ARMC9: variants seen among roughly 807,000 people sequenced by gnomAD.
ARMC9 encodes the protein armadillo repeat containing 9.
Under a neutral mutation model 107.0 loss-of-function variants are expected in ARMC9, and 94 were observed. The observed-to-expected ratio is 0.88, with a 90% CI of 0.74 to 1.04. The LOEUF is 1.04. Among genes scored for constraint, ARMC9 ranks in the 50% least tolerant of loss-of-function variants. The pLI is 0.00. For missense variants in ARMC9, 942 were observed against 1,030.1 expected (o/e 0.91, Z 1.17); for synonymous variants, 380 against 396.9 (o/e 0.96, Z 0.51).
intron 10 of ARMC9, 84 bp from the exon 11 acceptor site, chr2:231,258,907 G>T (rs2038085719): frequency 1.6e-5 from 20 of 1,255,424 alleles, no homozygotes; most frequent in Non-Finnish European, 2.0e-5. Flanking sequence ...GCAGGCTCTA[G>T]CTTGGGTGTC....
At chr2:231,323,251 T>C (rs1295631689) in intron 19 of ARMC9, among the ~76,000 whole-genome samples, 2 of 152,130 alleles carry the variant, frequency 1.3e-5, no homozygotes, top group East Asian at 3.9e-4. Context: ...CTGGAAGGCC[T>C]GAGTTGGCAT....
chr2:231,252,926 G>A (rs1420610631), intron 9 of ARMC9, among the ~76,000 whole-genome samples: 4 of 150,632 alleles, frequency 2.7e-5, no homozygotes, highest in East Asian at 2.0e-4. Flanking sequence ...AGGCGTGAAC[G>A]GCTATGCCCA....
intron 12 of ARMC9, among the ~76,000 whole-genome samples, chr2:231,269,398 C>CTTTTTT (rs773618086): frequency 3.1e-3 from 347 of 112,310 alleles, no homozygotes; most frequent in Non-Finnish European, 3.8e-3. Flanking sequence ...TTTTCTTCTT[C>CTTTTTT]TTTTTTTTTT....
intron 6 of ARMC9, 131 bp from the exon 7 acceptor site, chr2:231,226,643 G>A: frequency 9.5e-7 from 1 of 1,054,142 alleles, no homozygotes; most frequent in South Asian, 1.3e-5. Context: ...AACAGTTGGA[G>A]CTGGCCCTCC....
chr2:231,278,489 C>G, intron 16 of ARMC9, 31 bp downstream of exon 16: 1 of 1,605,468 alleles, frequency 6.2e-7, no homozygotes, highest in Non-Finnish European at 8.5e-7. Flanking sequence ...GCCCTGGGCT[C>G]GGGGAGGCTA....
chr2:231,264,919 A>T lies in ARMC9; in HGVS notation c.1119+2521A>T, dbSNP rs2038719054. Reference sequence around the variant, plus strand: ...TAGGAGATCAAGACCAGCCTGGCCAACATGGTGAAACCCTGTCTCTGCTAA... The same window carrying T: ...TAGGAGATCAAGACCAGCCTGGCCATCATGGTGAAACCCTGTCTCTGCTAA... On this transcript the variant is annotated intron_variant, in intron 12 of 24. Transcript: ENST00000611582. Among the ~76,000 whole-genome samples, 5 of 152,100 alleles carry T rather than the reference A, an allele frequency of 3.3e-5. No individual in the cohort carries two copies. The South Asian group carries it at 1.0e-3, about 32-fold the overall frequency.
intron 2 of ARMC9, 28 bp from the exon 3 acceptor site, chr2:231,208,099 G>A: frequency 9.9e-7 from 1 of 1,011,320 alleles, no homozygotes; most frequent in Non-Finnish European, 1.5e-6. Context: ...TTGTTTTGCT[G>A]TTGAATTGAA....
At chr2:231,327,299 A>G (rs2043394185) in intron 19 of ARMC9, among the ~76,000 whole-genome samples, 2 of 152,142 alleles carry the variant, frequency 1.3e-5, no homozygotes, top group South Asian at 4.1e-4. Flanking sequence ...GAACGTTTCC[A>G]TCACTCAAGG....
At chr2:231,368,453 C>T (rs2045897363) in intron 23 of ARMC9, among the ~76,000 whole-genome samples, 1 of 152,120 alleles carries the variant, frequency 6.6e-6, no homozygotes, top group South Asian at 2.1e-4. Flanking sequence ...TAATACCCAA[C>T]TCTTGTAAAT....
At position 231,331,816 on chromosome 2, in the gene ARMC9, C is replaced by T. The variant is rs1316454447; in HGVS notation, c.1797C>T (p.Ala599=). ...AGGAGGACCATGACATCATGGAAGC[C>T]GATCTGGACAAAGACGAACTGATCC... ...DDEEDHDIME[A]DLDKDELIQP... Residue 599 remains alanine (A), a synonymous_variant, in exon 20 of 25, where the codon GCC becomes GCT. Transcript: ENST00000611582. The T allele has an allele frequency of 9.9e-6, 16 of 1,613,746 alleles. 1 individual carries two copies. Among genetic ancestry groups the T allele is most frequent in the Non-Finnish European group, 1.3e-5 (15 of 1,179,882 alleles).
intron 13 of ARMC9, among the ~76,000 whole-genome samples, chr2:231,272,506 G>GTTTA (rs1274481398): frequency 1.3e-5 from 2 of 148,306 alleles, no homozygotes; most frequent in African/African-American, 5.1e-5. Context: ...GTAAGTGTTT[G>GTTTA]TTTGTTTGTT....
intron 1 of ARMC9, among the ~76,000 whole-genome samples, chr2:231,200,954 G>A (rs145040162): frequency 6.6e-6 from 1 of 152,178 alleles, no homozygotes; most frequent in Non-Finnish European, 1.5e-5. Flanking sequence ...TGTTTGCCTG[G>A]GGGGGCAGAG....
At chr2:231,273,215 A>G (rs1377096241) in intron 14 of ARMC9, 137 bp downstream of exon 14, 1 of 1,225,482 alleles carries the variant, frequency 8.2e-7, no homozygotes, top group Non-Finnish European at 1.1e-6. Flanking sequence ...ACAGAGCTAG[A>G]AAGCTTATCT....
intron 20 of ARMC9, among the ~76,000 whole-genome samples, chr2:231,333,587 G>C (rs2043883892): frequency 6.6e-6 from 1 of 152,262 alleles, no homozygotes; most frequent in Non-Finnish European, 1.5e-5. Context: ...CCTAAGGCTT[G>C]ACTAGGCCTC....
At chr2:231,329,916 C>T (rs762716677) in intron 19 of ARMC9, among the ~76,000 whole-genome samples, 2 of 152,124 alleles carry the variant, frequency 1.3e-5, no homozygotes, top group Non-Finnish European at 2.9e-5. Context: ...TTCCTTTTCT[C>T]ATCTGTATGG....
chr2:231,254,667 A>AC (rs1465538010), intron 9 of ARMC9, among the ~76,000 whole-genome samples: 12 of 146,194 alleles, frequency 8.2e-5, no homozygotes, highest in African/African-American at 2.7e-4. Context: ...AAAAAAAAAA[A>AC]TTGAAAAAAA....
At position 231,297,792 on chromosome 2, in the gene ARMC9, C is replaced by A. The variant is rs2041475321; in HGVS notation, c.1773+1539C>A. Among the ~76,000 whole-genome samples the A allele has an allele frequency of 6.6e-6, 1 of 152,158 alleles. No individual in the cohort carries two copies. Among genetic ancestry groups the A allele is most frequent in the Non-Finnish European group, 1.5e-5 (1 of 68,026 alleles). ...TTGTGCCTGGCCCTTCAATATCATT[C>A]TAAATGATAGTTTAAATTAATATTT... On this transcript the variant is annotated intron_variant, in intron 19 of 24. Transcript: ENST00000611582. The surrounding 1 kb of genome is among the most constrained non-coding windows in gnomAD (Gnocchi z 4.2).
intron 21 of ARMC9, among the ~76,000 whole-genome samples, chr2:231,351,724 A>G (rs1056466196): frequency 1.3e-5 from 2 of 152,244 alleles, no homozygotes; most frequent in East Asian, 3.9e-4. Flanking sequence ...ATATTTACAT[A>G]CCATAATTTA....
chr2:231,235,957 A>G (rs533539547), intron 8 of ARMC9, among the ~76,000 whole-genome samples: 14 of 151,882 alleles, frequency 9.2e-5, no homozygotes, highest in African/African-American at 3.1e-4. Flanking sequence ...TAAAAAATAT[A>G]TTTTTCAAAT....
Sources: gnomAD v4.1 joint callset for allele counts (sites outside exome capture counted in the v4.1 genomes callset) on GRCh38, gnomAD v4.1.1 for gene constraint, Gnocchi (gnomAD v3.1) non-coding constraint, MANE v1.5 for transcripts, NCBI Gene and HGNC (gene_info 2026-07-23, HGNC 2026-07-21) for gene names.